TENM3: variants seen among roughly 807,000 people sequenced by gnomAD.
TENM3 encodes teneurin transmembrane protein 3.
Under a neutral mutation model 255.1 loss-of-function variants are expected in TENM3, and 63 were observed. That is an observed-to-expected ratio of 0.25 (90% CI 0.20 to 0.30). The LOEUF is 0.30. Among genes scored for constraint, TENM3 ranks in the 10% least tolerant of loss-of-function variants. The pLI is 1.00. For missense variants in TENM3, 2,929 were observed against 3,461.1 expected (o/e 0.85, Z 3.86); for synonymous variants, 1,306 against 1,322.3 (o/e 0.99, Z 0.27).
intron 4 of TENM3, among the ~76,000 whole-genome samples, chr4:182,621,011 C>T (rs1750075977): frequency 6.6e-6 from 1 of 152,098 alleles, no homozygotes; most frequent in Non-Finnish European, 1.5e-5. Flanking sequence ...GAAACCTCGT[C>T]TCTACTGAAA....
In TENM3 at chr4:182,796,553, A is replaced by T. The variant is rs1463968437; in HGVS notation, c.7214-84A>T. 12 of 1,278,500 alleles carry T rather than the reference A, an allele frequency of 9.4e-6. No homozygotes were observed. In the South Asian group the frequency reaches 2.3e-4, roughly 25 times the overall value. 79.2% of individuals were successfully genotyped at this position (1,278,500 alleles called of 1,614,324 possible). On this transcript the variant is annotated intron_variant, in intron 26 of 27. Transcript: ENST00000511685. The stretch of plus-strand genomic sequence containing the variant: ...TTCAGATTATTAATTGTGAAATTGG[A>T]TTTTCTTTTTAAGGTAAGAATTTAA...
chr4:182,318,347 C>T (rs142650861), intron 1 of TENM3, among the ~76,000 whole-genome samples: 4 of 151,992 alleles, frequency 2.6e-5, no homozygotes, highest in African/African-American at 9.6e-5. Flanking sequence ...TTTAAAGATA[C>T]AAAATTTACA....
At chr4:181,662,044 C>G in the TENM3 span, among the ~76,000 whole-genome samples, 1 of 152,128 alleles carries the variant, frequency 6.6e-6, no homozygotes, top group African/African-American at 2.4e-5. Context: ...AAGGAGCCAC[C>G]CTTCACAAGT....
At chr4:181,458,522 C>T in the TENM3 span, among the ~76,000 whole-genome samples, 1 of 151,936 alleles carries the variant, frequency 6.6e-6, no homozygotes. Flanking sequence ...GTAGTAGCTA[C>T]CTGTGACAAC....
the TENM3 span, among the ~76,000 whole-genome samples, chr4:181,936,237 CA>C: frequency 2.0e-4 from 31 of 151,682 alleles, no homozygotes; most frequent in Admixed American, 7.9e-4. Context: ...ACTAAAAATA[CA>C]AAAAAAATAA....
At chr4:182,169,927 A>G (rs1247473676) in intron 1 of TENM3, among the ~76,000 whole-genome samples, 2 of 151,988 alleles carry the variant, frequency 1.3e-5, no homozygotes, top group Non-Finnish European at 2.9e-5. Flanking sequence ...AACATTTTTT[A>G]TAAAATTAAA....
intron 3 of TENM3, among the ~76,000 whole-genome samples, chr4:182,419,547 G>A (rs1653078663): frequency 6.6e-6 from 1 of 152,100 alleles, no homozygotes; most frequent in South Asian, 2.1e-4. Context: ...TATAAATCAT[G>A]CTGCTATAAA....
At chr4:181,852,823 G>A in the TENM3 span, among the ~76,000 whole-genome samples, 5 of 152,294 alleles carry the variant, frequency 3.3e-5, no homozygotes, top group Admixed American at 2.6e-4. Context: ...ACCAAGGGAG[G>A]ATGAGCAACA....
chr4:182,394,945 A>G (rs538972796), intron 3 of TENM3, among the ~76,000 whole-genome samples: 93 of 152,190 alleles, frequency 6.1e-4, no homozygotes, highest in Non-Finnish European at 1.2e-3. Context: ...GTCACGATTC[A>G]TTCATCTTGT....
At chr4:182,378,682 A>G (rs1414505622) in intron 3 of TENM3, among the ~76,000 whole-genome samples, 1 of 152,182 alleles carries the variant, frequency 6.6e-6, no homozygotes, top group Non-Finnish European at 1.5e-5. Flanking sequence ...CTCATGAAAT[A>G]AGGTTGCAGA....
the TENM3 span, among the ~76,000 whole-genome samples, chr4:181,520,259 C>T: frequency 0.21 from 31,240 of 152,168 alleles, 4,159 homozygotes; most frequent in Non-Finnish European, 0.3. Flanking sequence ...CAGTAGCATC[C>T]TGCACCGTGG....
the TENM3 span, among the ~76,000 whole-genome samples, chr4:181,467,060 A>AGT: frequency 2.9e-3 from 260 of 88,882 alleles, 7 homozygotes; most frequent in African/African-American, 0.013. Flanking sequence ...ATATTTTACT[A>AGT]GTGTGTGTGT....
the TENM3 span, among the ~76,000 whole-genome samples, chr4:182,022,183 A>AAAAT: frequency 1.2e-3 from 177 of 152,228 alleles, no homozygotes; most frequent in African/African-American, 4.1e-3. Flanking sequence ...AAAAAAAAAA[A>AAAAT]ATGTGGTACA....
At chr4:181,876,921 G>A in the TENM3 span, 37 of 151,610 alleles carry the variant, frequency 2.4e-4, no homozygotes, top group East Asian at 6.4e-3. Flanking sequence ...AAGGAAACTG[G>A]GAAAAGAAAA....
chr4:182,480,418 A>T (rs930808612), intron 3 of TENM3, among the ~76,000 whole-genome samples: 1 of 152,084 alleles, frequency 6.6e-6, no homozygotes, highest in African/African-American at 2.4e-5. Flanking sequence ...CTAGAAACAC[A>T]GCAGGCCAGT....
chr4:181,862,620 C>T, the TENM3 span, among the ~76,000 whole-genome samples: 9 of 152,034 alleles, frequency 5.9e-5, no homozygotes, highest in Non-Finnish European at 1.3e-4. Context: ...TTACGATGTG[C>T]CAGGCACTGT....
chr4:182,551,763 G>A (rs1193023897), intron 3 of TENM3, among the ~76,000 whole-genome samples: 7 of 152,142 alleles, frequency 4.6e-5, no homozygotes, highest in African/African-American at 1.7e-4. Flanking sequence ...GCTCACACCT[G>A]TAATCCCTGC....
At chr4:181,514,365 G>C in the TENM3 span, among the ~76,000 whole-genome samples, 2 of 152,176 alleles carry the variant, frequency 1.3e-5, no homozygotes, top group African/African-American at 4.8e-5. Flanking sequence ...AGGTGTGGAG[G>C]AAAGGTTGTC....
At chr4:182,467,104 A>T (rs1732670313) in intron 3 of TENM3, among the ~76,000 whole-genome samples, 2 of 152,164 alleles carry the variant, frequency 1.3e-5, no homozygotes, top group Admixed American at 1.3e-4. Context: ...AATTTTAAAA[A>T]CTAGAAACAA....
Sources: allele counts gnomAD v4.1 joint callset (sites outside exome capture counted in the v4.1 genomes callset), GRCh38; gene constraint gnomAD v4.1.1; transcripts MANE v1.5; gene names NCBI Gene and HGNC (gene_info 2026-07-23, HGNC 2026-07-21).